Variants in FHAD1 observed in about 807,000 individuals in gnomAD.
FHAD1 encodes the protein forkhead-associated domain-containing protein 1.
A neutral mutation model predicts 191.3 loss-of-function variants in FHAD1; 146 were observed. The ratio of observed to expected loss-of-function variants is 0.76; its 90% CI spans 0.67 to 0.88. The LOEUF (loss-of-function observed/expected upper bound fraction) is 0.88, where lower values mean the gene tolerates loss of function less well. FHAD1 is among the 40% of genes least tolerant of loss of function. FHAD1 has a pLI of 0.00. For synonymous variants in FHAD1, 616 were observed against 672.3 expected, an observed-to-expected ratio of 0.92 and a Z score of 1.29; for missense variants, 1,635 against 1,785.8, an observed-to-expected ratio of 0.92 and a Z score of 1.52.
intron 33 of FHAD1, among the ~76,000 whole-genome samples, chr1:15,396,878 C>T (rs1706155303): frequency 6.6e-6 from 1 of 151,634 alleles, no homozygotes; most frequent in Non-Finnish European, 1.5e-5. Context: ...GTCTAGTTCT[C>T]CTCATGTTAA....
chr1:15,367,383 G>C (rs1241517534), intron 24 of FHAD1, 80 bp from the exon 25 acceptor site: 65 of 1,472,036 alleles, frequency 4.4e-5, no homozygotes, highest in Middle Eastern at 1.8e-4. Flanking sequence ...GTAATCCCAC[G>C]TACACAAGAG....
chr1:15,243,941 C>T (rs1645694052), upstream of FHAD1, among the ~76,000 whole-genome samples: 1 of 152,204 alleles, frequency 6.6e-6, no homozygotes, highest in African/African-American at 2.4e-5. Flanking sequence ...GCAGATTTCT[C>T]CCTGTCTCTG....
At chr1:15,334,926 G>A (rs1302697899) in intron 14 of FHAD1, among the ~76,000 whole-genome samples, 2 of 152,128 alleles carry the variant, frequency 1.3e-5, no homozygotes, top group Non-Finnish European at 2.9e-5. Flanking sequence ...CTCGGGTCCC[G>A]GCTGCCAAGT....
intron 6 of FHAD1, among the ~76,000 whole-genome samples, chr1:15,306,192 A>G (rs954432780): frequency 2.6e-5 from 4 of 152,230 alleles, no homozygotes; most frequent in Non-Finnish European, 5.9e-5. Flanking sequence ...GAATGGTGGC[A>G]TTTTGCCCCT....
intron 5 of FHAD1, among the ~76,000 whole-genome samples, chr1:15,297,447 C>A (rs927667003): frequency 1.3e-5 from 2 of 152,188 alleles, no homozygotes; most frequent in African/African-American, 2.4e-5. Context: ...AGATCAGGGC[C>A]TGACCTTGCA....
chr1:15,398,996 A>G (rs968066330), downstream of FHAD1, among the ~76,000 whole-genome samples: 7 of 151,852 alleles, frequency 4.6e-5, no homozygotes, highest in Admixed American at 1.3e-4. Context: ...AATTTTTTGT[A>G]TTTTTAGTAG....
At chr1:15,339,792 G>C (rs1429037906) in intron 15 of FHAD1, among the ~76,000 whole-genome samples, 1 of 151,718 alleles carries the variant, frequency 6.6e-6, no homozygotes, top group Admixed American at 6.6e-5. Flanking sequence ...CAACCACACT[G>C]TTTGTTTTCC....
At chr1:15,250,666 C>G (rs1243730035) in intron 1 of FHAD1, among the ~76,000 whole-genome samples, 1 of 152,168 alleles carries the variant, frequency 6.6e-6, no homozygotes, top group African/African-American at 2.4e-5. Flanking sequence ...GCCTGCCTCT[C>G]CAATGATAAC....
intron 3 of FHAD1, among the ~76,000 whole-genome samples, chr1:15,288,667 G>A (rs2100525363): frequency 6.6e-6 from 1 of 152,330 alleles, no homozygotes; most frequent in African/African-American, 2.4e-5. Flanking sequence ...AGGGGCTGAG[G>A]ATACAGTGGT....
Position 15,345,474 on chromosome 1 carries a change from A to T in FHAD1, c.2297A>T (p.Glu766Val). The T allele has an allele frequency of 6.4e-7, 1 of 1,552,316 alleles. No individual in the cohort carries two copies. The highest frequency in any genetic ancestry group is 1.2e-5 in the South Asian group (1 of 84,064). ...KNRVKEALEEEQTRVQELEER... is the reference protein window; with the variant it reads ...KNRVKEALEEVQTRVQELEER... ...AGAGTGAAGGAAGCATTAGAGGAAG[A>T]GCAGACAAGAGTCCAAGAGCTGGAG... The change falls in exon 18 of 34, where the codon GAG (glutamate) becomes GTG (valine). Residue 766 changes from glutamate to valine, a missense_variant. Coordinates refer to ENST00000688493, the MANE Select transcript of FHAD1 (RefSeq NM_001391957.1).
chr1:15,372,098 C>T (rs1363457189), intron 26 of FHAD1, among the ~76,000 whole-genome samples: 1 of 152,154 alleles, frequency 6.6e-6, no homozygotes, highest in Non-Finnish European at 1.5e-5. Flanking sequence ...CTCTGAGGAA[C>T]TGCACAGCAG....
chr1:15,351,396 C>T (rs1433723358), intron 19 of FHAD1, among the ~76,000 whole-genome samples: 3 of 152,188 alleles, frequency 2.0e-5, no homozygotes, highest in East Asian at 3.9e-4. Context: ...TCTCCTGCCT[C>T]CAAGTGGGCA....
chr1:15,299,224 A>AAG (rs1558042076), intron 5 of FHAD1, among the ~76,000 whole-genome samples: 1 of 147,570 alleles, frequency 6.8e-6, no homozygotes, highest in Non-Finnish European at 1.5e-5. Flanking sequence ...AAAAGGAAAA[A>AAG]AAAAAAAAGA....
intron 2 of FHAD1, among the ~76,000 whole-genome samples, chr1:15,255,120 T>TAAAAAAAAAAAAAAAAAAAAAAA: frequency 6.8e-6 from 1 of 147,764 alleles, no homozygotes; most frequent in Non-Finnish European, 1.5e-5. Flanking sequence ...TCAGGAATCT[T>TAAAAAAAAAAAAAAAAAAAAAAA]AAAAAAGTCA....
intron 2 of FHAD1, among the ~76,000 whole-genome samples, chr1:15,254,507 A>G (rs1647179948): frequency 1.4e-5 from 1 of 70,638 alleles, no homozygotes; most frequent in Admixed American, 1.6e-4. Flanking sequence ...TTTTGTTCAC[A>G]GTAAGGTGGG....
At chr1:15,262,583 AT>A (rs1186396713) in intron 2 of FHAD1, among the ~76,000 whole-genome samples, 1 of 152,158 alleles carries the variant, frequency 6.6e-6, no homozygotes, top group Admixed American at 6.5e-5. Context: ...TGACTGCTTT[AT>A]TTCACCAGCA....
chr1:15,240,539 G>A (rs1327660199), intron 1 of FHAD1, among the ~76,000 whole-genome samples: 1 of 151,064 alleles, frequency 6.6e-6, no homozygotes, highest in African/African-American at 2.4e-5. Context: ...GCTGAGGTGG[G>A]AGGGACACTT....
At chr1:15,391,312 TTTG>T (rs1397783050) in intron 33 of FHAD1, 49 bp downstream of exon 33, 2 of 1,172,656 alleles carry the variant, frequency 1.7e-6, no homozygotes, top group Admixed American at 4.8e-5. Flanking sequence ...GTTGTTTTGT[TTTG>T]TTTTGTTTTG....
Position 15,329,726 on chromosome 1 carries a change from C to T in FHAD1, c.1906+185C>T, listed in dbSNP as rs1303140418. The T allele has an allele frequency of 1.9e-6, 1 of 535,714 alleles. No homozygotes were observed. The highest frequency in any genetic ancestry group is 1.9e-5 in the African/African-American group (1 of 53,084). The allele number at this position is 535,714 out of a possible 1,614,324, so 33.2% of individuals were successfully genotyped here. ...CATTAAAAAAAAAAACACACACATA[C>T]AAGTGAGACACGATAACTGAAGAAA... is the stretch of plus-strand genomic sequence containing the variant. On this transcript the variant is annotated intron_variant, in intron 14 of 33. Transcript: ENST00000688493. The surrounding 1 kb of genome is among the most constrained non-coding windows in gnomAD (Gnocchi z 5.0).
Sources: gnomAD v4.1 joint callset for allele counts (sites outside exome capture counted in the v4.1 genomes callset) on GRCh38, gnomAD v4.1.1 for gene constraint, Gnocchi (gnomAD v3.1) non-coding constraint, MANE v1.5 for transcripts, NCBI Gene and HGNC (gene_info 2026-07-23, HGNC 2026-07-21) for gene names.